EYS: variants seen among roughly 807,000 people sequenced by gnomAD.
EYS encodes the protein protein eyes shut homolog.
Under a neutral mutation model 282.1 loss-of-function variants are expected in EYS, and 250 were observed. The ratio of observed to expected loss-of-function variants is 0.89; its 90% CI spans 0.80 to 0.98. EYS has a LOEUF of 0.98. Ranked by LOEUF, EYS falls within the 50% of genes least tolerant of loss-of-function variation. EYS has a pLI of 0.00. For missense variants in EYS, 4,016 were observed against 3,709.0 expected (o/e 1.08, Z -2.15); for synonymous variants, 1,355 against 1,282.9 (o/e 1.06, Z -1.20).
At chr6:65,489,811 A>G (rs765574904) in intron 5 of EYS, 5 of 152,172 alleles carry the variant, frequency 3.3e-5, no homozygotes, top group Non-Finnish European at 7.3e-5. Flanking sequence ...AAAAAGGATG[A>G]TTTCATGTCC....
At chr6:64,114,968 C>T (rs561321321) in intron 31 of EYS, among the ~76,000 whole-genome samples, 4 of 152,112 alleles carry the variant, frequency 2.6e-5, no homozygotes, top group Admixed American at 1.3e-4. Context: ...CCTGGAGCTG[C>T]GGCCACTCTG....
chr6:65,630,451 T>G (rs1766871167), intron 2 of EYS, among the ~76,000 whole-genome samples: 1 of 152,244 alleles, frequency 6.6e-6, no homozygotes, highest in Admixed American at 6.5e-5. Context: ...ATTTTTCTGC[T>G]TTTTCTATCC....
At chr6:65,288,339 T>A (rs1198157088) in intron 12 of EYS, among the ~76,000 whole-genome samples, 1 of 150,556 alleles carries the variant, frequency 6.6e-6, no homozygotes, top group East Asian at 1.9e-4. Flanking sequence ...GCTGTCTGAG[T>A]CTTCCACTGA....
intron 5 of EYS, among the ~76,000 whole-genome samples, chr6:65,473,068 A>C (rs980739970): frequency 6.6e-6 from 1 of 151,992 alleles, no homozygotes; most frequent in Non-Finnish European, 1.5e-5. Context: ...CAAATAATGA[A>C]TCCAATGGTG....
intron 14 of EYS, among the ~76,000 whole-genome samples, chr6:64,989,391 T>C: frequency 3.3e-5 from 1 of 30,146 alleles, no homozygotes; most frequent in Non-Finnish European, 6.0e-5. Context: ...ACTGGCTAGC[T>C]GTAATATATA....
At chr6:65,702,705 ATAAT>A (rs1437447180) in intron 1 of EYS, among the ~76,000 whole-genome samples, 1 of 151,810 alleles carries the variant, frequency 6.6e-6, no homozygotes, top group African/African-American at 2.4e-5. Flanking sequence ...AAATAAATAA[ATAAT>A]AAATAAATAA....
intron 2 of EYS, among the ~76,000 whole-genome samples, chr6:65,545,627 G>T (rs1007093876): frequency 1.3e-5 from 2 of 152,046 alleles, no homozygotes; most frequent in African/African-American, 4.8e-5. Context: ...GTATATGTAC[G>T]TAATGTAAAC....
chr6:64,214,246 T>G (rs1765863439), intron 31 of EYS, among the ~76,000 whole-genome samples: 1 of 152,130 alleles, frequency 6.6e-6, no homozygotes, highest in African/African-American at 2.4e-5. Context: ...GAACTCAGCT[T>G]TGGCACTGCA....
chr6:64,235,697 G>C (rs1391627596), intron 30 of EYS, among the ~76,000 whole-genome samples: 12 of 152,262 alleles, frequency 7.9e-5, no homozygotes, highest in South Asian at 2.1e-4. Context: ...CTAGTTTACA[G>C]TCCCACCAAC....
intron 22 of EYS, among the ~76,000 whole-genome samples, chr6:64,741,942 C>A (rs1772387117): frequency 6.6e-6 from 1 of 152,152 alleles, no homozygotes; most frequent in South Asian, 2.1e-4. Flanking sequence ...TTACTATTTA[C>A]ACGTTCACTG....
intron 31 of EYS, among the ~76,000 whole-genome samples, chr6:64,118,623 G>C (rs937997227): frequency 6.6e-6 from 1 of 151,918 alleles, no homozygotes; most frequent in African/African-American, 2.4e-5. Flanking sequence ...CATTTGTTTG[G>C]GCAAAGATTT....
rs1256063781 is a variant in EYS at position 64,417,345 on chromosome 6, A to C, written c.5927+18829T>G. On this transcript the variant is annotated intron_variant, in intron 28 of 42. Transcript: ENST00000503581. ...TTCTGAGTTCTTTGGTAACAGGTAC[A>C]GGGGTTTACAATGGGTAGCAGTGCT... Among the ~76,000 whole-genome samples the C allele has an allele frequency of 3.9e-5, 6 of 152,196 alleles. No homozygotes were observed. The East Asian group carries it at 1.2e-3, about 29-fold the overall frequency.
chr6:63,787,244 AC>A (rs1770389712), intron 39 of EYS: 1 of 152,242 alleles, frequency 6.6e-6, no homozygotes, highest in South Asian at 2.1e-4. Flanking sequence ...AGGAAGACAG[AC>A]TGTGGCAATA....
chr6:65,085,648 TG>T (rs1774343523), intron 12 of EYS, among the ~76,000 whole-genome samples: 1 of 152,134 alleles, frequency 6.6e-6, no homozygotes, highest in African/African-American at 2.4e-5. Context: ...TGATCTAAAT[TG>T]TTTGATGACT....
At chr6:64,817,034 G>C (rs762778549) in intron 21 of EYS, among the ~76,000 whole-genome samples, 19 of 151,626 alleles carry the variant, frequency 1.3e-4, no homozygotes, top group African/African-American at 1.9e-4. Flanking sequence ...AAGGTACTCT[G>C]TGTGTGTGTA....
intron 11 of EYS, among the ~76,000 whole-genome samples, chr6:65,296,561 C>A (rs1210924604): frequency 6.6e-6 from 1 of 151,644 alleles, no homozygotes; most frequent in Admixed American, 6.6e-5. Context: ...ATTATTCAAA[C>A]TCAGTTTGTC....
chr6:65,681,536 G>A (rs1768819041), intron 1 of EYS, among the ~76,000 whole-genome samples: 1 of 152,026 alleles, frequency 6.6e-6, no homozygotes, highest in Non-Finnish European at 1.5e-5. Flanking sequence ...ATATAGCAGA[G>A]CTGAATTACA....
At chr6:64,351,461 T>C (rs1453405867) in intron 29 of EYS, among the ~76,000 whole-genome samples, 1 of 151,464 alleles carries the variant, frequency 6.6e-6, no homozygotes, top group Non-Finnish European at 1.5e-5. Context: ...ATCATCTATC[T>C]ACTTGTATCA....
chr6:64,738,537 G>T (rs1399429354), intron 22 of EYS, among the ~76,000 whole-genome samples: 2 of 152,100 alleles, frequency 1.3e-5, no homozygotes, highest in African/African-American at 4.8e-5. Flanking sequence ...ACTAATGCAG[G>T]ATAAAATATG....
Sources: gnomAD v4.1 joint callset for allele counts (sites outside exome capture counted in the v4.1 genomes callset) on GRCh38, gnomAD v4.1.1 for gene constraint, MANE v1.5 for transcripts, NCBI Gene and HGNC (gene_info 2026-07-23, HGNC 2026-07-21) for gene names.